NDUFAF6: variants seen among roughly 807,000 people sequenced by gnomAD.
The protein encoded by NDUFAF6 is NADH:ubiquinone oxidoreductase complex assembly factor 6, also known as NADH dehydrogenase (ubiquinone) complex I, assembly factor 6.
A neutral mutation model predicts 40.8 loss-of-function variants in NDUFAF6; 45 were observed. That is an observed-to-expected ratio of 1.10 (90% CI 0.87 to 1.42). The LOEUF (loss-of-function observed/expected upper bound fraction) is 1.42. Ranked by LOEUF, NDUFAF6 falls within the 40% of genes most tolerant of loss-of-function variation. NDUFAF6 has a pLI of 0.00. For synonymous variants in NDUFAF6, 185 were observed against 155.9 expected (o/e 1.19, Z -1.39); for missense variants, 435 against 418.5 (o/e 1.04, Z -0.34).
chr8:95,080,580 A>AT (rs2132050434), downstream of NDUFAF6, among the ~76,000 whole-genome samples: 1 of 27,944 alleles, frequency 3.6e-5, no homozygotes, highest in African/African-American at 1.9e-4. Flanking sequence ...TTGGTAGTGT[A>AT]TTTTTGTAGT....
chr8:94,987,792 A>G (rs1030740780), intron 2 of NDUFAF6, among the ~76,000 whole-genome samples: 1 of 152,194 alleles, frequency 6.6e-6, no homozygotes, highest in Non-Finnish European at 1.5e-5. Flanking sequence ...ATTTTGCATA[A>G]TAAGTTCTAA....
chr8:94,926,491 T>C (rs1342435885), intron 1 of NDUFAF6: 1 of 150,634 alleles, frequency 6.6e-6, no homozygotes, highest in Non-Finnish European at 1.5e-5. Context: ...AAACCACTCA[T>C]ACACTCCAAG....
chr8:95,001,383 T>A (rs116618895), intron 2 of NDUFAF6, among the ~76,000 whole-genome samples: 1,530 of 152,234 alleles, frequency 0.01, 27 homozygotes, highest in African/African-American at 0.035. Flanking sequence ...CAGAGCTTCA[T>A]CATCCCCACC....
intron 1 of NDUFAF6, among the ~76,000 whole-genome samples, chr8:94,910,302 G>A (rs554538324): frequency 6.6e-6 from 1 of 152,218 alleles, no homozygotes; most frequent in East Asian, 1.9e-4. Context: ...ACAGGCATGT[G>A]CCACCATGCC....
chr8:94,910,921 A>G (rs538256523), intron 1 of NDUFAF6, among the ~76,000 whole-genome samples: 439 of 152,358 alleles, frequency 2.9e-3, no homozygotes, highest in Non-Finnish European at 5.7e-3. Flanking sequence ...AAATGAGTTG[A>G]GATTACCTAT....
chr8:95,055,883 ACCATTAAATTGGAC>A (rs1372749938), intron 8 of NDUFAF6, among the ~76,000 whole-genome samples: 26 of 152,344 alleles, frequency 1.7e-4, no homozygotes, highest in African/African-American at 6.3e-4. Context: ...CTAGTCTGTC[ACCATTAAATTGGAC>A]TCAAGTTTTT....
chr8:95,026,670 C>T (rs1363783221), intron 1 of NDUFAF6, among the ~76,000 whole-genome samples: 1 of 152,082 alleles, frequency 6.6e-6, no homozygotes, highest in Non-Finnish European at 1.5e-5. Flanking sequence ...GTATACCACC[C>T]AATAGCCGCT....
At chr8:94,950,743 A>C (rs1386206624) in intron 2 of NDUFAF6, 2 of 152,154 alleles carry the variant, frequency 1.3e-5, no homozygotes, top group African/African-American at 4.8e-5. Flanking sequence ...CTATGGTAGG[A>C]GCCCCATGAT....
intron 4 of NDUFAF6, among the ~76,000 whole-genome samples, chr8:95,114,737 A>G (rs1242462528): frequency 1.3e-5 from 2 of 152,130 alleles, no homozygotes; most frequent in Non-Finnish European, 2.9e-5. Flanking sequence ...TCTTTCTGTG[A>G]GATTAAAATA....
chr8:95,024,570 A>G (rs1247230929), upstream of NDUFAF6, among the ~76,000 whole-genome samples: 6 of 152,262 alleles, frequency 3.9e-5, no homozygotes, highest in East Asian at 9.6e-4. Flanking sequence ...GCAAACTTCC[A>G]GCAACGTGCG....
chr8:94,935,128 TATAGATAGATAG>T (rs56734843), intron 1 of NDUFAF6, among the ~76,000 whole-genome samples: 1,539 of 144,736 alleles, frequency 0.011, 9 homozygotes, highest in African/African-American at 0.019. Context: ...GGTAGATAGA[TATAGATAGATAG>T]ATAGATAGAT....
At chr8:95,017,237 C>T (rs1394323641) in intron 2 of NDUFAF6, among the ~76,000 whole-genome samples, 1 of 151,810 alleles carries the variant, frequency 6.6e-6, no homozygotes, top group Non-Finnish European at 1.5e-5. Context: ...CACCACGCCC[C>T]GCCCATCTGG....
intron 2 of NDUFAF6, among the ~76,000 whole-genome samples, chr8:94,949,879 A>C (rs1010578347): frequency 1.3e-5 from 2 of 151,916 alleles, no homozygotes; most frequent in Non-Finnish European, 2.9e-5. Context: ...TGGTCAGCCT[A>C]GGGTTAGACG....
chr8:95,104,007 C>T (rs752785232), downstream of NDUFAF6, among the ~76,000 whole-genome samples: 5 of 152,070 alleles, frequency 3.3e-5, no homozygotes, highest in East Asian at 3.9e-4. Flanking sequence ...ACTGCTTCTT[C>T]GGGTTTTCTC....
At chr8:94,990,947 C>G (rs116696186) in intron 2 of NDUFAF6, among the ~76,000 whole-genome samples, 5 of 152,200 alleles carry the variant, frequency 3.3e-5, no homozygotes, top group Admixed American at 1.3e-4. Flanking sequence ...ACAGCAGAAG[C>G]CTTATTCGCG....
intron 2 of NDUFAF6, chr8:94,950,384 C>T (rs978000631): frequency 1.3e-5 from 2 of 152,310 alleles, no homozygotes; most frequent in Admixed American, 1.3e-4. Flanking sequence ...TGCCTATCAG[C>T]TCTCATGTGG....
intron 3 of NDUFAF6, among the ~76,000 whole-genome samples, chr8:95,038,878 C>T (rs1829817221): frequency 6.6e-6 from 1 of 150,440 alleles, no homozygotes; most frequent in African/African-American, 2.4e-5. Context: ...GGGTTGTTGG[C>T]CAGGATGGTC....
At chr8:95,017,705 G>A (rs890619318) in intron 2 of NDUFAF6, among the ~76,000 whole-genome samples, 1 of 152,102 alleles carries the variant, frequency 6.6e-6, no homozygotes, top group Admixed American at 6.5e-5. Flanking sequence ...TGATTCCTAG[G>A]ATACCCTACA....
At chr8:95,111,543 T>C (rs550177040) in intron 4 of NDUFAF6, among the ~76,000 whole-genome samples, 18 of 152,298 alleles carry the variant, frequency 1.2e-4, no homozygotes, top group African/African-American at 4.3e-4. Context: ...CATTTGCTTG[T>C]TCTTGAGATG....
Sources: gnomAD v4.1 joint callset for allele counts (sites outside exome capture counted in the v4.1 genomes callset) on GRCh38, gnomAD v4.1.1 for gene constraint, MANE v1.5 for transcripts, NCBI Gene and HGNC (gene_info 2026-07-23, HGNC 2026-07-21) for gene names.